GALNT17: variants seen among roughly 807,000 people sequenced by gnomAD.
GALNT17 encodes the protein polypeptide N-acetylgalactosaminyltransferase 17, also known as UDP-GalNAc:polypeptide N-acetylgalactosaminyltransferase-like 3.
Under a neutral mutation model 63.7 loss-of-function variants are expected in GALNT17, and 29 were observed. That is an observed-to-expected ratio of 0.46 (90% CI 0.34 to 0.62). The LOEUF is 0.62. Ranked by LOEUF, GALNT17 falls within the 20% of genes least tolerant of loss-of-function variation. The probability of loss-of-function intolerance (pLI) is 0.01; values close to 1 mark genes in which losing one functional copy is unlikely to be tolerated. For missense variants in GALNT17, 603 were observed against 799.6 expected, an observed-to-expected ratio of 0.75 and a Z score of 2.97; for synonymous variants, 305 against 318.3, an observed-to-expected ratio of 0.96 and a Z score of 0.45.
At chr7:71,151,564 T>A (rs1387472555) in intron 1 of GALNT17, among the ~76,000 whole-genome samples, 2 of 148,232 alleles carry the variant, frequency 1.3e-5, no homozygotes, top group Non-Finnish European at 3.0e-5. Context: ...GAGCTTGCAG[T>A]GAGCCGAGAT....
chr7:71,331,399 T>C (rs1791805440), intron 1 of GALNT17, among the ~76,000 whole-genome samples: 1 of 152,126 alleles, frequency 6.6e-6, no homozygotes, highest in South Asian at 2.1e-4. Flanking sequence ...TTAATTGCCA[T>C]GGAACCTTTA....
intron 1 of GALNT17, among the ~76,000 whole-genome samples, chr7:71,155,354 C>T (rs1788215266): frequency 6.6e-6 from 1 of 151,626 alleles, no homozygotes. Flanking sequence ...GCTCACTGCA[C>T]CCCCAACCTC....
intron 1 of GALNT17, among the ~76,000 whole-genome samples, chr7:71,255,259 C>T (rs528350320): frequency 1.3e-5 from 2 of 152,284 alleles, no homozygotes; most frequent in Admixed American, 6.5e-5. Context: ...GGGTCTTTCT[C>T]GTGCTGTTCT....
chr7:71,378,897 G>T (rs935981640), intron 2 of GALNT17, among the ~76,000 whole-genome samples: 1 of 152,172 alleles, frequency 6.6e-6, no homozygotes, highest in Non-Finnish European at 1.5e-5. Flanking sequence ...AGCTACTTGG[G>T]ATGCTGAGAC....
chr7:71,200,666 A>G (rs574312036), intron 1 of GALNT17, among the ~76,000 whole-genome samples: 1 of 152,148 alleles, frequency 6.6e-6, no homozygotes, highest in African/African-American at 2.4e-5. Context: ...ATGGATATTC[A>G]GTTTTTTTCT....
chr7:71,185,874 C>T (rs554692225), intron 1 of GALNT17, among the ~76,000 whole-genome samples: 10 of 152,228 alleles, frequency 6.6e-5, no homozygotes, highest in South Asian at 2.1e-4. Context: ...CATAGTCAGT[C>T]GTAGAGTCAT....
intron 1 of GALNT17, among the ~76,000 whole-genome samples, chr7:71,145,195 G>A (rs1465905196): frequency 1.3e-5 from 2 of 152,324 alleles, no homozygotes; most frequent in East Asian, 3.9e-4. Context: ...TTTCGCTGGT[G>A]TGCAGGACCT....
intron 5 of GALNT17, among the ~76,000 whole-genome samples, chr7:71,512,768 A>G (rs1788382210): frequency 6.6e-6 from 1 of 152,154 alleles, no homozygotes; most frequent in Admixed American, 6.5e-5. Flanking sequence ...TGTTCTGACA[A>G]CCAGGCACAA....
intron 2 of GALNT17, among the ~76,000 whole-genome samples, chr7:71,361,585 CGAG>C (rs1792402442): frequency 6.6e-6 from 1 of 151,934 alleles, no homozygotes; most frequent in Admixed American, 6.6e-5. Context: ...CCCCTGGCTA[CGAG>C]GAGTTTTTTC....
chr7:71,536,104 G>C (rs1788797905), intron 5 of GALNT17, among the ~76,000 whole-genome samples: 1 of 152,170 alleles, frequency 6.6e-6, no homozygotes, highest in African/African-American at 2.4e-5. Context: ...AAAGATTAAA[G>C]ACCAAATATC....
At chr7:71,649,121 G>A (rs1790720752) in intron 6 of GALNT17, among the ~76,000 whole-genome samples, 1 of 152,166 alleles carries the variant, frequency 6.6e-6, no homozygotes, top group Non-Finnish European at 1.5e-5. Context: ...CTGACCTTGA[G>A]TCCTAATCTC....
At chr7:71,267,838 C>T (rs922615056) in intron 1 of GALNT17, among the ~76,000 whole-genome samples, 2 of 151,966 alleles carry the variant, frequency 1.3e-5, no homozygotes, top group Non-Finnish European at 2.9e-5. Flanking sequence ...TGTCCTAATG[C>T]TCTCCCTCCC....
intron 9 of GALNT17, among the ~76,000 whole-genome samples, chr7:71,681,486 G>A (rs1344258535): frequency 6.6e-6 from 1 of 152,132 alleles, no homozygotes; most frequent in East Asian, 1.9e-4. Context: ...GGACATAGAG[G>A]GTGGGAGGCA....
chr7:71,148,858 T>TATATATATATATA (rs1788075671), intron 1 of GALNT17, among the ~76,000 whole-genome samples: 3 of 91,914 alleles, frequency 3.3e-5, no homozygotes, highest in African/African-American at 1.5e-4. Flanking sequence ...ATTATGGTAT[T>TATATATATATATA]TTTATATATA....
At chr7:71,544,297 ATT>A (rs754061155) in intron 5 of GALNT17, among the ~76,000 whole-genome samples, 3,882 of 116,860 alleles carry the variant, frequency 0.033, 73 homozygotes, top group African/African-American at 0.061. Flanking sequence ...ACGCCCGGCT[ATT>A]TTTTTTTTTT....
intron 1 of GALNT17, among the ~76,000 whole-genome samples, chr7:71,233,356 C>T (rs1460596953): frequency 6.6e-6 from 1 of 152,186 alleles, no homozygotes; most frequent in African/African-American, 2.4e-5. Flanking sequence ...TGGATGAGCG[C>T]ATCCTCCATC....
chr7:71,658,654 G>A (rs1447270918), intron 6 of GALNT17, among the ~76,000 whole-genome samples: 1 of 152,172 alleles, frequency 6.6e-6, no homozygotes, highest in East Asian at 1.9e-4. Flanking sequence ...TTGGGAGGCT[G>A]AGGCAGGTGG....
chr7:71,174,921 T>A (rs906515787), intron 1 of GALNT17, among the ~76,000 whole-genome samples: 3 of 152,224 alleles, frequency 2.0e-5, no homozygotes, highest in African/African-American at 7.2e-5. Flanking sequence ...TGGGGAGCGA[T>A]GGAAGGTTTA....
At chr7:71,216,438 G>T (rs544542351) in intron 1 of GALNT17, among the ~76,000 whole-genome samples, 1 of 152,144 alleles carries the variant, frequency 6.6e-6, no homozygotes, top group African/African-American at 2.4e-5. Flanking sequence ...CCCTGATGTG[G>T]TGACTCAGAT....
Sources: gnomAD v4.1 joint callset for allele counts (sites outside exome capture counted in the v4.1 genomes callset) on GRCh38, gnomAD v4.1.1 for gene constraint, MANE v1.5 for transcripts, NCBI Gene and HGNC (gene_info 2026-07-23, HGNC 2026-07-21) for gene names.